The following FAR1 variants were observed in gnomAD, a reference collection of about 807,000 sequenced individuals.
The protein encoded by FAR1 is fatty acyl-CoA reductase 1.
FAR1 carries 22 observed loss-of-function variants against 61.1 expected under a neutral mutation model. That is an observed-to-expected ratio of 0.36 (90% confidence interval 0.26 to 0.51). The LOEUF is 0.51. Ranked by LOEUF, FAR1 falls within the 20% of genes least tolerant of loss-of-function variation. The pLI, the probability that FAR1 is intolerant of heterozygous loss-of-function variation, is 0.95. For synonymous variants in FAR1, 206 were observed against 209.7 expected (o/e 0.98, Z 0.15); for missense variants, 359 against 626.9 (o/e 0.57, Z 4.56).
chr11:13,711,906 G>A, intron 6 of FAR1, 22 bp from the exon 7 acceptor site: 1 of 1,596,052 alleles, frequency 6.3e-7, no homozygotes, highest in Non-Finnish European at 8.6e-7. Flanking sequence ...ATCTTAAGGT[G>A]TTGTTTTTAA....
intron 1 of FAR1, among the ~76,000 whole-genome samples, chr11:13,688,621 G>T (rs986275559): frequency 1.4e-4 from 22 of 151,940 alleles, no homozygotes; most frequent in Admixed American, 9.8e-4. Flanking sequence ...TACCTAGTAG[G>T]CCCTTAATAA....
chr11:13,727,127 A>T (rs1418485160), intron 10 of FAR1, among the ~76,000 whole-genome samples: 1 of 152,014 alleles, frequency 6.6e-6, no homozygotes, highest in Non-Finnish European at 1.5e-5. Context: ...TTCATAACGC[A>T]TCTTGATGTC....
chr11:13,670,256 A>T (rs1321595126), intron 1 of FAR1: 1 of 151,982 alleles, frequency 6.6e-6, no homozygotes, highest in Non-Finnish European at 1.5e-5. Context: ...CATTTTCCAT[A>T]AAATTATTTT....
At chr11:13,701,131 T>C (rs1042744606) in intron 3 of FAR1, among the ~76,000 whole-genome samples, 1 of 152,096 alleles carries the variant, frequency 6.6e-6, no homozygotes, top group South Asian at 2.1e-4. Context: ...TGACAGTGTG[T>C]CAAAAAATAC....
chr11:13,713,504 TAAATTCAC>T (rs1302851007), intron 8 of FAR1, among the ~76,000 whole-genome samples: 1 of 152,186 alleles, frequency 6.6e-6, no homozygotes, highest in Admixed American at 6.5e-5. Flanking sequence ...TTAATCTATT[TAAATTCAC>T]AGATTCACAG....
chr11:13,711,928 G>T lies in FAR1; in HGVS notation c.769G>T (p.Ala257Ser), dbSNP rs1848503435. The T allele has an allele frequency of 6.2e-7, 1 of 1,611,894 alleles. No individual in the cohort carries two copies. The highest frequency in any genetic ancestry group is 8.5e-7 in the Non-Finnish European group (1 of 1,178,328). ...GGTGTTGTTTTTAATTTCAACAAAG[G>T]CAGGGAAAGGAATTCTTCGAACAAT... ...FNGPSGLFIA[A>S]GKGILRTIRA... The change falls in exon 7 of 12, where the codon GCA (alanine) becomes TCA (serine). Residue 257 changes from alanine to serine, a missense_variant and splice_region_variant. Physicochemically the swap from Ala to Ser is moderately conservative, Grantham distance 99. Transcript: ENST00000354817.
chr11:13,728,744 C>A lies in FAR1; in HGVS notation c.1518C>A (p.Tyr506Ter). The change falls in exon 12 of 12, where the codon TAC becomes TAA. Residue 506 changes from tyrosine to a stop codon, truncating the protein, a stop_gained. Coordinates refer to ENST00000354817, the MANE Select transcript of FAR1 (RefSeq NM_032228.6). LOFTEE classifies it high-confidence loss of function. ...GTCTGTGTTACAAGTTTTTGTCATA[C>A]TTCCGAGCATCCAGCACTATGAGAT... ...VVSLCYKFLS[Y>*]FRASSTMRY is the part of the protein sequence containing the mutation. 1 of 1,612,058 alleles carries A rather than the reference C, an allele frequency of 6.2e-7. No homozygotes were observed. Among genetic ancestry groups the A allele is most frequent in the Non-Finnish European group, 8.5e-7 (1 of 1,178,550 alleles).
intron 1 of FAR1, among the ~76,000 whole-genome samples, chr11:13,690,918 A>G (rs1005184297): frequency 5.3e-5 from 8 of 152,346 alleles, no homozygotes; most frequent in Admixed American, 4.6e-4. Context: ...GAGGTCTTAT[A>G]TATCTTTTCT....
In FAR1 at chr11:13,721,907, A is replaced by G; in HGVS notation, c.1257+48A>G. On this transcript the variant is annotated intron_variant, in intron 10 of 11. Coordinates refer to ENST00000354817, the MANE Select transcript of FAR1 (RefSeq NM_032228.6). This position sits in a 1 kb window ranked among gnomAD's most constrained non-coding sequence, Gnocchi z 4.2. ...ATATTAGAAAATAAGTAGCATACTA[A>G]TTACAGAACTATTAGCAACCTGAGA... 4.1e-6 allele frequency: 6 copies of G among 1,479,502 alleles called. No individual in the cohort carries two copies. The highest frequency in any genetic ancestry group is 5.5e-6 in the Non-Finnish European group (6 of 1,089,146). The allele number at this position is 1,479,502 out of a possible 1,614,324, so 91.6% of individuals were successfully genotyped here.
rs748233709 is a variant in FAR1 at position 13,700,449 on chromosome 11, A to G, written c.322A>G (p.Ile108Val). 6.3e-7 allele frequency: 1 copy of G among 1,581,560 alleles called. No homozygotes were observed. The highest frequency in any genetic ancestry group is 8.6e-7 in the Non-Finnish European group (1 of 1,168,504). Residue 108 changes from isoleucine (I) to valine (V), a missense_variant, in exon 3 of 12, where the codon ATA (isoleucine) becomes GTA (valine). Physicochemically the swap from Ile to Val is conservative, Grantham distance 29. Coordinates refer to ENST00000354817, the MANE Select transcript of FAR1 (RefSeq NM_032228.6). ...GGTGATCATAGATTCTACCAATATT[A>G]TATTCCACTGTGCAGCTACAGTAAG... Reference protein sequence around the residue: ...KEVIIDSTNIIFHCAATVRFN... With the variant: ...KEVIIDSTNIVFHCAATVRFN...
chr11:13,695,267 C>T (rs1848296331), intron 2 of FAR1, among the ~76,000 whole-genome samples: 1 of 151,952 alleles, frequency 6.6e-6, no homozygotes, highest in Non-Finnish European at 1.5e-5. Flanking sequence ...TTTAAATAGC[C>T]TTGATAATAA....
At chr11:13,691,529 A>C (rs1199311370) in intron 1 of FAR1, among the ~76,000 whole-genome samples, 1 of 152,146 alleles carries the variant, frequency 6.6e-6, no homozygotes, top group Non-Finnish European at 1.5e-5. Flanking sequence ...ATACTCAACT[A>C]TTCCCCTATG....
rs112850241 is a variant in FAR1, at chr11:13,703,205, A to G, written c.365+2713A>G. 3.9e-3 allele frequency among the ~76,000 whole-genome samples: 584 copies of G among 149,022 alleles called. 5 individuals are homozygous for G. The highest frequency in any genetic ancestry group is 0.014 in the African/African-American group (554 of 40,594). The stretch of plus-strand genomic sequence containing the variant: ...TTTTGTTTTTGTTTTTGTTTGAGAT[A>G]GGGTCTCACCTTTATCGCCCAGGCT... On this transcript the variant is annotated intron_variant, in intron 3 of 11. Transcript: ENST00000354817.
Position 13,727,568 on chromosome 11 carries a change from G to T in FAR1, c.1270G>T (p.Asp424Tyr). ...TTTGTTAACGTAGACCTTCAATATT[G>T]ATGTACGGCAGTTACATTGGGCAGA... Reference protein sequence around the residue: ...NPEDKKTFNIDVRQLHWAEYI... With the variant: ...NPEDKKTFNIYVRQLHWAEYI... Residue 424 changes from aspartate to tyrosine, a missense_variant, in exon 11 of 12, where the codon GAT becomes TAT. Physicochemically the swap from Asp to Tyr is radical, Grantham distance 160. This residue lies in a region of FAR1 where 344 missense variants were observed against 570.3 expected (regional missense o/e 0.60). Coordinates refer to ENST00000354817, the MANE Select transcript of FAR1 (RefSeq NM_032228.6). 2 of 1,604,092 alleles carry T rather than the reference G, an allele frequency of 1.2e-6. No individual in the cohort carries two copies. The highest frequency in any genetic ancestry group is 2.2e-5 in the South Asian group (2 of 89,408).
rs1848536468 is a variant in FAR1 at position 13,714,648 on chromosome 11, T to C, written c.1095T>C (p.Asp365=). 12 of 1,612,594 alleles carry C rather than the reference T, an allele frequency of 7.4e-6. No homozygotes were observed. The highest frequency in any genetic ancestry group is 1.3e-5 in the African/African-American group (1 of 74,818). The part of the protein sequence containing the change: ...VSHKAPAFLY[D]IYLRMTGRSP... ...ATAAGGCCCCAGCATTCCTGTATGA[T>C]ATCTACCTCAGGATGACTGGAAGAA... Residue 365 remains aspartate, a synonymous_variant, in exon 9 of 12, where the codon GAT becomes GAC. Coordinates refer to ENST00000354817, the MANE Select transcript of FAR1 (RefSeq NM_032228.6).
In FAR1 at chr11:13,677,500, GT is replaced by G. The variant is rs925224248; in HGVS notation, c.-8+8700del. ...TCATTTAAATACATTCCTAAAAGCT[GT>G]TTTTTCCCCACTCAAAACTAGACAC... On this transcript the variant is annotated intron_variant, in intron 1 of 11. Coordinates refer to ENST00000354817, the MANE Select transcript of FAR1 (RefSeq NM_032228.6). Among the ~76,000 whole-genome samples, 41 of 152,244 alleles carry G rather than the reference GT, an allele frequency of 2.7e-4. No homozygotes were observed. The East Asian group carries it at 7.3e-3, about 27-fold the overall frequency.
In FAR1 at chr11:13,730,546, C is replaced by G. The variant is rs1243693178; in HGVS notation, c.*1772C>G. The G allele has an allele frequency of 6.6e-6, 1 of 152,032 alleles. No homozygotes were observed. The highest frequency in any genetic ancestry group is 1.5e-5 in the Non-Finnish European group (1 of 67,954). 9.4% of individuals were successfully genotyped at this position (152,032 alleles called of 1,614,324 possible). ...GATGCCTTTTATTTAAAGTGGCCCA[C>G]ATAATATACATTGAGTACTCCATCT... On this transcript the variant is annotated 3_prime_UTR_variant, in exon 12 of 12. Transcript: ENST00000354817.
At chr11:13,710,094 CATT>C (rs772385967) in intron 4 of FAR1, among the ~76,000 whole-genome samples, 1 of 152,020 alleles carries the variant, frequency 6.6e-6, no homozygotes, top group African/African-American at 2.4e-5. Flanking sequence ...TTGTTAATCT[CATT>C]AGAGCATATG....
intron 1 of FAR1, among the ~76,000 whole-genome samples, chr11:13,679,808 A>G (rs568286130): frequency 1.3e-5 from 2 of 152,308 alleles, no homozygotes; most frequent in South Asian, 4.1e-4. Context: ...CCAGGATAGT[A>G]AGATCCTAGA....
Sources: gnomAD v4.1 joint callset for allele counts (sites outside exome capture counted in the v4.1 genomes callset) on GRCh38, gnomAD v4.1.1 for gene constraint, gnomAD v4.1.1 regional missense constraint, Gnocchi (gnomAD v3.1) non-coding constraint, MANE v1.5 for transcripts, NCBI Gene and HGNC (gene_info 2026-07-23, HGNC 2026-07-21) for gene names.